Variants in ACSL4 observed in about 807,000 individuals in gnomAD.
ACSL4 encodes the protein long-chain-fatty-acid--CoA ligase 4.
A neutral mutation model predicts 49.1 loss-of-function variants in ACSL4; 9 were observed. The ratio of observed to expected loss-of-function variants is 0.18; its 90% confidence interval spans 0.11 to 0.32. The LOEUF (loss-of-function observed/expected upper bound fraction) is 0.32. Among genes scored for constraint, ACSL4 ranks in the 10% least tolerant of loss-of-function variants. The probability of loss-of-function intolerance (pLI) is 1.00; values close to 1 mark genes in which losing one functional copy is unlikely to be tolerated. For missense variants in ACSL4, 333 were observed against 493.7 expected (o/e 0.67, Z 3.08); for synonymous variants, 191 against 170.3 (o/e 1.12, Z -0.95).
intron 1 of ACSL4, among the ~76,000 whole-genome samples, chrX:109,715,609 C>T (rs987689478): frequency 3.6e-5 from 4 of 109,618 alleles, no homozygotes; most frequent in African/African-American, 1.3e-4. Context: ...CACTGCACTC[C>T]GACTGCATCT....
At chrX:109,653,666 G>T (rs1447849166) in intron 15 of ACSL4, among the ~76,000 whole-genome samples, 49 of 109,911 alleles carry the variant, frequency 4.5e-4, no homozygotes, top group African/African-American at 1.5e-3. Context: ...GGACATGGAT[G>T]AAATTGGAAA....
At chrX:109,654,702 C>T (rs1427528032) in intron 15 of ACSL4, among the ~76,000 whole-genome samples, 3 of 112,033 alleles carry the variant, frequency 2.7e-5, no homozygotes, top group African/African-American at 9.8e-5. Context: ...TAGTAGAGCC[C>T]GGGCAAGTGC....
At chrX:109,659,251 T>C in intron 15 of ACSL4, 103 bp downstream of exon 15, 1 of 787,875 alleles carries the variant, frequency 1.3e-6, no homozygotes, top group African/African-American at 2.1e-5. Context: ...TTTCTTAAAA[T>C]CCTGTATTTT....
At chrX:109,732,957 G>C (rs1488419443) in intron 1 of ACSL4, 182 bp downstream of exon 1, 1 of 320,551 alleles carries the variant, frequency 3.1e-6, no homozygotes, top group Admixed American at 3.2e-5. Flanking sequence ...GGCCCCAGCG[G>C]AGGCGAGCGG....
At position 109,668,993 on chromosome X, in the gene ACSL4, A is replaced by G. The variant is rs371471841; in HGVS notation, c.1142+41T>C. 51 of 1,149,689 alleles carry G rather than the reference A, an allele frequency of 4.4e-5. No individual in the cohort carries two copies. The African/African-American group carries it at 8.4e-4, about 19-fold the overall frequency. 94.7% of individuals were successfully genotyped at this position (1,149,689 alleles called of 1,213,427 possible). ...CTTCTGGATTTAAAAGCATAAAAAA[A>G]TTTAAAGGCTCAAACCACAGAGCCT... On this transcript the variant is annotated intron_variant, in intron 10 of 15. Transcript: ENST00000672401.
chrX:109,668,062 C>T (rs754719842), intron 11 of ACSL4, 39 bp downstream of exon 11: 3 of 1,044,664 alleles, frequency 2.9e-6, no homozygotes, highest in Non-Finnish European at 4.0e-6. Context: ...TTATTAGTAG[C>T]AGCTGATACA....
intron 15 of ACSL4, among the ~76,000 whole-genome samples, chrX:109,649,714 G>C (rs1380894373): frequency 9.1e-6 from 1 of 109,952 alleles, no homozygotes; most frequent in African/African-American, 3.3e-5. Flanking sequence ...CACAGCAAAA[G>C]AAACTACCAT....
At chrX:109,664,868 G>T (rs2147398801) in intron 12 of ACSL4, among the ~76,000 whole-genome samples, 1 of 111,929 alleles carries the variant, frequency 8.9e-6, no homozygotes, top group South Asian at 3.7e-4. Context: ...CTTTCATTAA[G>T]AAGACTGGTT....
intron 2 of ACSL4, among the ~76,000 whole-genome samples, chrX:109,686,058 G>T (rs1230087857): frequency 1.8e-5 from 2 of 111,514 alleles, no homozygotes; most frequent in African/African-American, 3.3e-5. Context: ...TCAAGATAAG[G>T]TATGTCATGT....
intron 1 of ACSL4, among the ~76,000 whole-genome samples, chrX:109,720,316 C>A (rs1294456967): frequency 9.3e-6 from 1 of 107,314 alleles, no homozygotes; most frequent in Non-Finnish European, 1.9e-5. Flanking sequence ...GGCAACAGAG[C>A]GAGACTCAAA....
rs35186119 is a variant in ACSL4, at chrX:109,727,657, TTGTGTGTGTGTGTGTG to T, written c.-66+5466_-66+5481del. 2.6e-3 allele frequency among the ~76,000 whole-genome samples: 227 copies of T among 88,402 alleles called. 1 individual carries two copies. The highest frequency in any genetic ancestry group is 8.8e-3 in the African/African-American group (197 of 22,371). 76.8% of individuals were successfully genotyped at this position (88,402 alleles called of 115,157 possible). On this transcript the variant is annotated intron_variant, in intron 1 of 15. Coordinates refer to ENST00000672401, the MANE Select transcript of ACSL4 (RefSeq NM_001318510.2). The stretch of plus-strand genomic sequence containing the variant: ...TAAAAAGTCAGGGTAGTTTGTTAAA[TTGTGTGTGTGTGTGTG>T]TGTGTGTGTGTGTGTGTGTGTGTGT...
intron 1 of ACSL4, among the ~76,000 whole-genome samples, chrX:109,727,727 G>C (rs1336542622): frequency 2.9e-5 from 3 of 101,803 alleles, no homozygotes; most frequent in African/African-American, 1.1e-4. Flanking sequence ...CAATTTATAA[G>C]GTTACCTTAT....
At chrX:109,680,130 G>A (rs1603405010) in intron 6 of ACSL4, among the ~76,000 whole-genome samples, 1 of 111,583 alleles carries the variant, frequency 9.0e-6, no homozygotes, top group Middle Eastern at 4.6e-3. Flanking sequence ...CACAAATGCT[G>A]ATATGATACT....
chrX:109,681,667 A>C (rs1924175064), intron 4 of ACSL4, among the ~76,000 whole-genome samples: 1 of 112,089 alleles, frequency 8.9e-6, no homozygotes, highest in Non-Finnish European at 1.9e-5. Context: ...CTCAAGGCCA[A>C]TAGGTACTGG....
At chrX:109,683,508 G>A in intron 2 of ACSL4, 133 bp from the exon 3 acceptor site, 1 of 1,150,461 alleles carries the variant, frequency 8.7e-7, no homozygotes, top group Non-Finnish European at 1.2e-6. Flanking sequence ...TTCTAAAATG[G>A]TGCTTATTTC....
chrX:109,731,577 CAA>C (rs770441833), intron 1 of ACSL4, among the ~76,000 whole-genome samples: 3 of 68,850 alleles, frequency 4.4e-5, no homozygotes, highest in Admixed American at 1.7e-4. Flanking sequence ...GGGGGTTTTC[CAA>C]AAAAAAAAAA....
At chrX:109,716,357 AG>A (rs1353261446) in intron 1 of ACSL4, among the ~76,000 whole-genome samples, 1 of 112,618 alleles carries the variant, frequency 8.9e-6, no homozygotes, top group Non-Finnish European at 1.9e-5. Flanking sequence ...TTACTACTTA[AG>A]TATCACCTGG....
intron 9 of ACSL4, 107 bp downstream of exon 9, chrX:109,674,295 T>C: frequency 1.5e-6 from 1 of 675,700 alleles, no homozygotes; most frequent in Non-Finnish European, 2.4e-6. Flanking sequence ...GTAAAATTAT[T>C]TTAAAATGTA....
chrX:109,701,919 A>C (rs1239740271), intron 1 of ACSL4, among the ~76,000 whole-genome samples: 2 of 102,175 alleles, frequency 2.0e-5, no homozygotes, highest in Non-Finnish European at 4.0e-5. Flanking sequence ...AAAAAAAAAA[A>C]AAAAACTGGG....
Sources: allele counts gnomAD v4.1 joint callset (sites outside exome capture counted in the v4.1 genomes callset), GRCh38; gene constraint gnomAD v4.1.1; transcripts MANE v1.5; gene names NCBI Gene and HGNC (gene_info 2026-07-23, HGNC 2026-07-21).